Variants in SASH1 observed in about 807,000 individuals in gnomAD.
SASH1 encodes the protein SAM and SH3 domain containing 1.
Under a neutral mutation model 125.2 loss-of-function variants are expected in SASH1, and 44 were observed. The observed-to-expected ratio is 0.35, with a 90% CI of 0.28 to 0.45. SASH1 has a LOEUF of 0.45. Among genes scored for constraint, SASH1 ranks in the 20% least tolerant of loss-of-function variants. The pLI is 1.00. For synonymous variants in SASH1, 639 were observed against 649.1 expected, an observed-to-expected ratio of 0.98 and a Z score of 0.24; for missense variants, 1,426 against 1,614.5, an observed-to-expected ratio of 0.88 and a Z score of 2.00.
the SASH1 span, among the ~76,000 whole-genome samples, chr6:148,214,489 C>G: frequency 1.3e-5 from 2 of 152,056 alleles, no homozygotes; most frequent in Non-Finnish European, 2.9e-5. Context: ...TAGTATTACC[C>G]CATAGAGGAG....
intron 2 of SASH1, among the ~76,000 whole-genome samples, chr6:148,390,754 C>G (rs2114829661): frequency 6.6e-6 from 1 of 150,896 alleles, no homozygotes; most frequent in East Asian, 2.0e-4. Context: ...CGCCACTGCA[C>G]TCCAGCCTGG....
the SASH1 span, among the ~76,000 whole-genome samples, chr6:148,219,317 CCTT>C: frequency 6.6e-6 from 1 of 152,130 alleles, no homozygotes; most frequent in East Asian, 1.9e-4. Context: ...TTGCCAATCT[CCTT>C]GTTTTCTCTC....
At chr6:148,235,020 C>T in the SASH1 span, among the ~76,000 whole-genome samples, 1 of 152,162 alleles carries the variant, frequency 6.6e-6, no homozygotes, top group African/African-American at 2.4e-5. Flanking sequence ...AATCTGATAA[C>T]AAGCACCAAC....
chr6:148,546,394 C>T (rs1310290304), intron 19 of SASH1, among the ~76,000 whole-genome samples: 1 of 152,160 alleles, frequency 6.6e-6, no homozygotes, highest in Admixed American at 6.5e-5. Context: ...TAGTGCTGGG[C>T]GTGATAGTGC....
At chr6:148,469,290 A>T (rs1777990177) in intron 5 of SASH1, among the ~76,000 whole-genome samples, 1 of 152,202 alleles carries the variant, frequency 6.6e-6, no homozygotes, top group Non-Finnish European at 1.5e-5. Context: ...CATATAATTG[A>T]GTATTAAATG....
chr6:148,194,093 G>C, the SASH1 span, among the ~76,000 whole-genome samples: 1 of 152,186 alleles, frequency 6.6e-6, no homozygotes, highest in Non-Finnish European at 1.5e-5. Context: ...ACTAACCTTT[G>C]TGATTTCTGA....
At chr6:148,536,748 C>T (rs1023965594) in intron 16 of SASH1, among the ~76,000 whole-genome samples, 1 of 152,200 alleles carries the variant, frequency 6.6e-6, no homozygotes, top group Non-Finnish European at 1.5e-5. Context: ...TTAGACTGCT[C>T]CATGCCACTT....
At chr6:148,323,114 A>G (rs535454583) in intron 1 of SASH1, among the ~76,000 whole-genome samples, 1 of 151,596 alleles carries the variant, frequency 6.6e-6, no homozygotes, top group East Asian at 1.9e-4. Context: ...GGTTTAAGTG[A>G]TTCTCCTGCC....
chr6:148,506,343 CG>C (rs1434529634), intron 8 of SASH1, among the ~76,000 whole-genome samples: 1 of 151,686 alleles, frequency 6.6e-6, no homozygotes, highest in African/African-American at 2.4e-5. Context: ...GGCATACTGG[CG>C]GGTGCCTGTA....
At chr6:148,527,428 A>G (rs1583304857) in intron 11 of SASH1, 25 bp from the exon 12 acceptor site, 5 of 1,550,490 alleles carry the variant, frequency 3.2e-6, no homozygotes, top group South Asian at 1.2e-5. Flanking sequence ...GCGACCAACA[A>G]TACTTGCAAC....
chr6:148,236,128 G>C, the SASH1 span, among the ~76,000 whole-genome samples: 1 of 152,170 alleles, frequency 6.6e-6, no homozygotes, highest in Non-Finnish European at 1.5e-5. Context: ...TGGCATGCAG[G>C]AAACTATCCC....
intron 2 of SASH1, among the ~76,000 whole-genome samples, chr6:148,432,366 A>C (rs923082777): frequency 6.6e-6 from 1 of 152,226 alleles, no homozygotes; most frequent in African/African-American, 2.4e-5. Context: ...TGAAGAACAC[A>C]TATAATGTAG....
chr6:148,377,238 A>C, intron 1 of SASH1, among the ~76,000 whole-genome samples: 1 of 152,118 alleles, frequency 6.6e-6, no homozygotes, highest in East Asian at 1.9e-4. Flanking sequence ...AAAAACACAA[A>C]AGATGAAACT....
chr6:148,334,384 C>T (rs1414187591), intron 1 of SASH1, among the ~76,000 whole-genome samples: 19 of 135,074 alleles, frequency 1.4e-4, no homozygotes, highest in African/African-American at 4.2e-4. Flanking sequence ...GCCGAGATTG[C>T]GCCACTGCAC....
At chr6:148,467,417 T>C (rs1777895125) in intron 4 of SASH1, among the ~76,000 whole-genome samples, 1 of 152,178 alleles carries the variant, frequency 6.6e-6, no homozygotes, top group African/African-American at 2.4e-5. Flanking sequence ...AAATTTTGTT[T>C]GTCTAAGTTT....
At chr6:148,268,834 A>G (rs1246816401), upstream of SASH1, among the ~76,000 whole-genome samples, 56 of 152,314 alleles carry the variant, frequency 3.7e-4, 2 homozygotes, top group Non-Finnish European at 4.1e-4. Context: ...TAATAAATAG[A>G]TGAGTTTCAG....
the SASH1 span, among the ~76,000 whole-genome samples, chr6:148,221,990 A>G: frequency 1.3e-5 from 2 of 152,074 alleles, no homozygotes; most frequent in Non-Finnish European, 2.9e-5. Flanking sequence ...ACTACCCATA[A>G]AATAAAACTG....
chr6:148,446,315 A>G (rs145302323), intron 4 of SASH1, among the ~76,000 whole-genome samples: 3,002 of 151,890 alleles, frequency 0.02, 74 homozygotes, highest in African/African-American at 0.065. Flanking sequence ...TCACCGTGTT[A>G]GCCAGGATGG....
chr6:148,302,950 C>G (rs1780013116), intron 1 of SASH1, among the ~76,000 whole-genome samples: 1 of 151,666 alleles, frequency 6.6e-6, no homozygotes, highest in Non-Finnish European at 1.5e-5. Context: ...TTCCAGGCAC[C>G]TCTGTACTTT....
Sources: gnomAD v4.1 joint callset for allele counts (sites outside exome capture counted in the v4.1 genomes callset) on GRCh38, gnomAD v4.1.1 for gene constraint, MANE v1.5 for transcripts, NCBI Gene and HGNC (gene_info 2026-07-23, HGNC 2026-07-21) for gene names.